MISP: variants seen among roughly 807,000 people sequenced by gnomAD.
MISP encodes mitotic interactor and substrate of PLK1.
In MISP, 51 loss-of-function variants were observed where a neutral mutation model predicts 49.3. The ratio of observed to expected loss-of-function variants is 1.03; its 90% CI spans 0.83 to 1.31. MISP has a LOEUF of 1.31. Among genes scored for constraint, MISP ranks in the 50% most tolerant of loss-of-function variants. The pLI is 0.00. For missense variants in MISP, 1,084 were observed against 935.1 expected (o/e 1.16, Z -2.08); for synonymous variants, 444 against 392.6 (o/e 1.13, Z -1.55).
intron 2 of MISP, 101 bp from the exon 3 acceptor site, chr19:759,808 T>G: frequency 7.3e-7 from 1 of 1,371,146 alleles, no homozygotes; most frequent in Non-Finnish European, 1.0e-6. Context: ...CTGCTCTGTC[T>G]GTCCATACAT....
chr19:752,234 G>T (rs370574514), intron 1 of MISP, among the ~76,000 whole-genome samples: 26 of 152,318 alleles, frequency 1.7e-4, no homozygotes, highest in African/African-American at 5.8e-4. Context: ...GCCGGGCCTT[G>T]CAGGGGCCAT....
chr19:752,127 C>T (rs2033468152), intron 1 of MISP, among the ~76,000 whole-genome samples: 1 of 152,178 alleles, frequency 6.6e-6, no homozygotes, highest in Non-Finnish European at 1.5e-5. Context: ...GCAGGTTCTC[C>T]TCTCTGGGTC....
chr19:748,901 G>A (rs1326167393), upstream of MISP, among the ~76,000 whole-genome samples: 1 of 152,226 alleles, frequency 6.6e-6, no homozygotes. Flanking sequence ...TACTTTGGGA[G>A]GCCGAGGTGG....
rs147018980 is a variant in MISP at position 758,677 on chromosome 19, G to T, written c.1731G>T (p.Thr577=). 1.2e-6 allele frequency: 2 copies of T among 1,614,210 alleles called. No individual in the cohort carries two copies. The highest frequency in any genetic ancestry group is 1.7e-6 in the Non-Finnish European group (2 of 1,180,032). The part of the protein sequence containing the change: ...NALFPEVFSP[T]PDENSDQNSR... ...TCTTCCCAGAGGTCTTCTCCCCAACGCCAGATGAGAACTCTGACCAGAACT... is the reference window on the plus strand; with the variant it reads ...TCTTCCCAGAGGTCTTCTCCCCAACTCCAGATGAGAACTCTGACCAGAACT... The change falls in exon 2 of 5, where the codon ACG becomes ACT. Residue 577 remains threonine, a synonymous_variant. Transcript: ENST00000215582.
In MISP at chr19:758,487, C is replaced by T; in HGVS notation, c.1541C>T (p.Pro514Leu). The change falls in exon 2 of 5, where the codon CCA (proline) becomes CTA (leucine). Residue 514 changes from proline (P) to leucine (L), a missense_variant. Physicochemically the swap from Pro to Leu is moderately conservative, Grantham distance 98 (BLOSUM62 -3). Transcript: ENST00000215582. ...FRLRPLRFRA[P>L]DEPQQAQVPH... ...CTGCGTCCTCTGCGGTTCAGGGCCCCAGACGAGCCCCAGCAGGCCCAAGTC... is the reference window on the plus strand; with the variant it reads ...CTGCGTCCTCTGCGGTTCAGGGCCCTAGACGAGCCCCAGCAGGCCCAAGTC... 3 of 1,614,120 alleles carry T rather than the reference C, an allele frequency of 1.9e-6. No individual in the cohort carries two copies. Among genetic ancestry groups the T allele is most frequent in the Non-Finnish European group, 2.5e-6 (3 of 1,179,994 alleles).
chr19:763,618 C>A lies in MISP; in HGVS notation c.*28C>A. 6.5e-7 allele frequency: 1 copy of A among 1,548,074 alleles called. No homozygotes were observed. Among genetic ancestry groups the A allele is most frequent in the Non-Finnish European group, 8.9e-7 (1 of 1,123,900 alleles). On this transcript the variant is annotated 3_prime_UTR_variant, in exon 5 of 5. Transcript: ENST00000215582. ...CTCGGGATGGGGCGCCCACCCCCTGCCCTGCCCTGACCCTCGTGGGAACTG... is the reference window on the plus strand; with the variant it reads ...CTCGGGATGGGGCGCCCACCCCCTGACCTGCCCTGACCCTCGTGGGAACTG...
In MISP at chr19:759,430, C is replaced by T. The variant is rs191624886; in HGVS notation, c.1781-479C>T. 9.4e-3 allele frequency among the ~76,000 whole-genome samples: 1,312 copies of T among 139,650 alleles called. 22 individuals carry two copies. The highest frequency in any genetic ancestry group is 0.033 in the African/African-American group (1,238 of 37,258). The allele number at this position is 139,650 out of a possible 152,430, so 91.6% of individuals were successfully genotyped here. Reference sequence around the variant, plus strand: ...TTTTTTTTTTTTTGAGATGGAGTCTCGCTCTGTCACCCAGGCTGGAGTGCA... The same window carrying T: ...TTTTTTTTTTTTTGAGATGGAGTCTTGCTCTGTCACCCAGGCTGGAGTGCA... On this transcript the variant is annotated intron_variant, in intron 2 of 4. Transcript: ENST00000215582.
At chr19:762,478 C>A (rs1261455990) in intron 4 of MISP, among the ~76,000 whole-genome samples, 2 of 151,838 alleles carry the variant, frequency 1.3e-5, no homozygotes, top group Non-Finnish European at 2.9e-5. Flanking sequence ...GTCTCGAACT[C>A]CTGACCTCAG....
At chr19:760,150 C>T in intron 3 of MISP, 111 bp downstream of exon 3, 1 of 1,289,490 alleles carries the variant, frequency 7.8e-7, no homozygotes, top group South Asian at 1.4e-5. Context: ...AAGCACTACC[C>T]CCACCCCTGG....
intron 4 of MISP, among the ~76,000 whole-genome samples, chr19:763,234 G>A (rs923120985): frequency 1.3e-5 from 2 of 152,180 alleles, no homozygotes; most frequent in Non-Finnish European, 1.5e-5. Flanking sequence ...CCAAGATCGC[G>A]CCACTGCAGT....
At chr19:759,727 C>T (rs775190310) in intron 2 of MISP, among the ~76,000 whole-genome samples, 182 bp from the exon 3 acceptor site, 5 of 152,132 alleles carry the variant, frequency 3.3e-5, no homozygotes, top group Non-Finnish European at 5.9e-5. Flanking sequence ...CCTTGCATGT[C>T]GGCCCATCTG....
Position 758,656 on chromosome 19 carries a change from C to T in MISP, c.1710C>T (p.Phe570=). 1.2e-6 allele frequency: 2 copies of T among 1,614,212 alleles called. No homozygotes were observed. ...EVAEERRNAL[F]PEVFSPTPDE... The stretch of plus-strand genomic sequence containing the variant: ...CAGAGGAGCGGAGAAATGCTCTCTT[C>T]CCAGAGGTCTTCTCCCCAACGCCAG... Residue 570 remains phenylalanine (F), a synonymous_variant, in exon 2 of 5, where the codon TTC becomes TTT. Transcript: ENST00000215582.
chr19:756,853 C>G, intron 1 of MISP, 37 bp from the exon 2 acceptor site: 7 of 1,092,002 alleles, frequency 6.4e-6, no homozygotes, highest in Non-Finnish European at 9.1e-6. Flanking sequence ...CCTAGGTGCT[C>G]TGACTTGATG....
At position 758,613 on chromosome 19, in the gene MISP, G is replaced by C; in HGVS notation, c.1667G>C (p.Arg556Pro). Residue 556 changes from arginine (R) to proline (P), a missense_variant, in exon 2 of 5, where the codon CGC (arginine) becomes CCC (proline). By Grantham distance (103) the Arg-to-Pro change is moderately radical (BLOSUM62 -2). Coordinates refer to ENST00000215582, the MANE Select transcript of MISP (RefSeq NM_173481.4). ...GAAAGGGAGAGGGAGAGTGTCCTGCGCCGGGAGCAAGAGGTGGCAGAGGAG... is the reference window on the plus strand; with the variant it reads ...GAAAGGGAGAGGGAGAGTGTCCTGCCCCGGGAGCAAGAGGTGGCAGAGGAG... ...LLERERESVL[R>P]REQEVAEERR... 1 of 1,614,222 alleles carries C rather than the reference G, an allele frequency of 6.2e-7. No homozygotes were observed. The highest frequency in any genetic ancestry group is 8.5e-7 in the Non-Finnish European group (1 of 1,180,044).
Position 757,729 on chromosome 19 carries a change from G to A in MISP, c.783G>A (p.Val261=). 1.9e-6 allele frequency: 3 copies of A among 1,613,914 alleles called. No homozygotes were observed. Among genetic ancestry groups the A allele is most frequent in the Non-Finnish European group, 2.5e-6 (3 of 1,179,992 alleles). ...VKGVVREENK[V]RAVPTWASVQ... ...GGGTGGTCAGGGAAGAGAACAAGGT[G>A]CGTGCTGTGCCCACCTGGGCCAGTG... Residue 261 remains valine (V), a synonymous_variant, in exon 2 of 5, where the codon GTG becomes GTA. Transcript: ENST00000215582.
chr19:752,513 G>C (rs1013967624), intron 1 of MISP, among the ~76,000 whole-genome samples: 3 of 126,330 alleles, frequency 2.4e-5, no homozygotes, highest in Non-Finnish European at 4.8e-5. Context: ...GACAGAGGGA[G>C]ACTCTATCTC....
At position 761,613 on chromosome 19, in the gene MISP, C is replaced by A; in HGVS notation, c.1912-12C>A. The A allele has an allele frequency of 6.2e-7, 1 of 1,614,030 alleles. No homozygotes were observed. The highest frequency in any genetic ancestry group is 8.5e-7 in the Non-Finnish European group (1 of 1,179,984). ...AGAAAGGCCTGGGCTGACTTGTGTT[C>A]CTTTCCTGTAGTACGCTGGCATCAA... On this transcript the variant is annotated splice_polypyrimidine_tract_variant and intron_variant, in intron 3 of 4. Coordinates refer to ENST00000215582, the MANE Select transcript of MISP (RefSeq NM_173481.4).
Position 757,257 on chromosome 19 carries a change from AG to A in MISP, c.314del (p.Gly105AspfsTer17), listed in dbSNP as rs1568241953. On this transcript the variant is annotated frameshift_variant, in exon 2 of 5. Transcript: ENST00000215582. LOFTEE classifies it high-confidence loss of function. ...CGCCTGGGCGCCAGGGATGCCCACC[AG>A]GGACGTCCAACATGGGCACTCCGCC... The part of the protein sequence containing the change: ...VYRLGARDAH[Q>X]GRPTWALRPE... 1 of 1,613,912 alleles carries A rather than the reference AG, an allele frequency of 6.2e-7. No homozygotes were observed.
upstream of MISP, among the ~76,000 whole-genome samples, chr19:750,603 G>A (rs2033447148): frequency 6.6e-6 from 1 of 152,120 alleles, no homozygotes; most frequent in Non-Finnish European, 1.5e-5. Context: ...GAGAAAACAG[G>A]GCTAAGAGAG....
Sources: gnomAD v4.1 joint callset for allele counts (sites outside exome capture counted in the v4.1 genomes callset) on GRCh38, gnomAD v4.1.1 for gene constraint, MANE v1.5 for transcripts, NCBI Gene and HGNC (gene_info 2026-07-23, HGNC 2026-07-21) for gene names.